The following TNPO1 variants were observed in gnomAD, a reference collection of about 807,000 sequenced individuals.
TNPO1 encodes the protein transportin-1.
TNPO1 carries 8 observed loss-of-function variants against 119.5 expected under a neutral mutation model. The ratio of observed to expected loss-of-function variants is 0.07; its 90% CI spans 0.04 to 0.12. The LOEUF (loss-of-function observed/expected upper bound fraction) is 0.12. TNPO1 is among the 10% of genes least tolerant of loss of function. The probability of loss-of-function intolerance (pLI) is 1.00; values close to 1 mark genes in which losing one functional copy is unlikely to be tolerated. For synonymous variants in TNPO1, 362 were observed against 363.0 expected, an observed-to-expected ratio of 1.00 and a Z score of 0.03; for missense variants, 576 against 1,089.8, an observed-to-expected ratio of 0.53 and a Z score of 6.64.
rs1366730988 is a variant in TNPO1 at position 72,858,654 on chromosome 5, G to A, written c.355+2731G>A. 2.6e-5 allele frequency among the ~76,000 whole-genome samples: 4 copies of A among 152,110 alleles called. No individual in the cohort carries two copies. The South Asian group carries it at 8.3e-4, about 31-fold the overall frequency. ...AGATCGAAACCATCCTGGCTAACAT[G>A]GTGAAACCCCGTCTCTACTAAAAAT... is the stretch of plus-strand genomic sequence containing the variant. On this transcript the variant is annotated intron_variant, in intron 4 of 24. Transcript: ENST00000337273.
Position 72,913,898 on chromosome 5 carries a change from GAA to G in TNPO1, c.*5226_*5227del, listed in dbSNP as rs1229672045. ...TACTTAATAGATTATCATCTTGTGAGAAGAGATGTTTAAACGTGGTAAATCAC... is the reference window on the plus strand; with the variant it reads ...TACTTAATAGATTATCATCTTGTGAGGAGATGTTTAAACGTGGTAAATCAC... On this transcript the variant is annotated 3_prime_UTR_variant, in exon 25 of 25. Transcript: ENST00000337273. The G allele has an allele frequency of 6.6e-6, 1 of 151,970 alleles. No individual in the cohort carries two copies. Among genetic ancestry groups the G allele is most frequent in the African/African-American group, 2.4e-5 (1 of 40,882 alleles). The allele number at this position is 151,970 out of a possible 1,614,324, so 9.4% of individuals were successfully genotyped here.
At chr5:72,869,935 T>C (rs1330334899) in intron 6 of TNPO1, among the ~76,000 whole-genome samples, 1 of 152,196 alleles carries the variant, frequency 6.6e-6, no homozygotes, top group Non-Finnish European at 1.5e-5. Context: ...CAGATATCCA[T>C]AGCATTCCAA....
intron 1 of TNPO1, among the ~76,000 whole-genome samples, chr5:72,834,689 GGTTAATTTATTATTGAA>G (rs1342650530): frequency 1.2e-4 from 18 of 152,108 alleles, no homozygotes; most frequent in Admixed American, 6.6e-5. Context: ...TAACAGCTGA[GGTTAATTTATTATTGAA>G]GAAAGAAATT....
intron 6 of TNPO1, among the ~76,000 whole-genome samples, chr5:72,868,868 C>T (rs1157217340): frequency 6.6e-6 from 1 of 151,852 alleles, no homozygotes; most frequent in Non-Finnish European, 1.5e-5. Context: ...ATTAGCTGGA[C>T]GTGGTGGCGG....
At chr5:72,907,023 A>G (rs1750219923) in intron 24 of TNPO1, among the ~76,000 whole-genome samples, 1 of 152,176 alleles carries the variant, frequency 6.6e-6, no homozygotes, top group African/African-American at 2.4e-5. Context: ...ACTCCAAGCT[A>G]AAATTTAAAT....
In TNPO1 at chr5:72,882,516, A is replaced by T. The variant is rs1748318233; in HGVS notation, c.970A>T (p.Ile324Phe). The change falls in exon 10 of 25, where the codon ATC (isoleucine) becomes TTC (phenylalanine). Residue 324 changes from isoleucine to phenylalanine, a missense_variant. Transcript: ENST00000337273. ...CATGAAGTACTCAGACATAGATATT[A>T]TCCTACTTAAGGTAAGGAAGCTTTT... ...NGMKYSDIDI[I>F]LLKGDVEEDE... is the part of the protein sequence containing the mutation. 8.7e-6 allele frequency: 14 copies of T among 1,609,534 alleles called. No homozygotes were observed. Among genetic ancestry groups the T allele is most frequent in the Non-Finnish European group, 1.2e-5 (14 of 1,177,722 alleles).
chr5:72,820,509 C>G lies in TNPO1; in HGVS notation c.15+3757C>G, dbSNP rs115059418. On this transcript the variant is annotated intron_variant, in intron 1 of 24. Transcript: ENST00000337273. ...ACATCATTTGTAGGCATTTAACATACATTGTCACTTTCATGTACATTTTTC... is the reference window on the plus strand; with the variant it reads ...ACATCATTTGTAGGCATTTAACATAGATTGTCACTTTCATGTACATTTTTC... Among the ~76,000 whole-genome samples, 760 of 152,280 alleles carry G rather than the reference C, an allele frequency of 5.0e-3. 5 individuals are homozygous for G. The highest frequency in any genetic ancestry group is 0.024 in the Middle Eastern group (7 of 294).
chr5:72,880,867 G>T (rs1748193119), intron 9 of TNPO1, among the ~76,000 whole-genome samples: 1 of 151,194 alleles, frequency 6.6e-6, no homozygotes, highest in Admixed American at 6.6e-5. Flanking sequence ...GGGGCTTCAG[G>T]AGAAATCTTC....
chr5:72,900,874 A>G, intron 21 of TNPO1, 100 bp from the exon 22 acceptor site: 1 of 652,450 alleles, frequency 1.5e-6, no homozygotes, highest in Non-Finnish European at 2.4e-6. Flanking sequence ...TATAATCATT[A>G]TCTATACTGT....
intron 7 of TNPO1, among the ~76,000 whole-genome samples, chr5:72,874,176 T>G (rs1327098865): frequency 6.6e-6 from 1 of 152,178 alleles, no homozygotes; most frequent in Admixed American, 6.5e-5. Context: ...CCTACAGGAT[T>G]TAGCCAATTC....
intron 1 of TNPO1, among the ~76,000 whole-genome samples, chr5:72,843,365 G>A (rs780371167): frequency 5.3e-5 from 8 of 152,088 alleles, no homozygotes; most frequent in African/African-American, 1.9e-4. Flanking sequence ...AGGCTGAGGC[G>A]GGCAGATCAC....
intron 7 of TNPO1, among the ~76,000 whole-genome samples, chr5:72,875,024 TATTA>T (rs1413051601): frequency 6.6e-6 from 1 of 152,236 alleles, no homozygotes; most frequent in Non-Finnish European, 1.5e-5. Flanking sequence ...ACTTAACTTC[TATTA>T]ATTTATTTCC....
chr5:72,857,439 A>T (rs1244108777), intron 4 of TNPO1, among the ~76,000 whole-genome samples: 2 of 152,184 alleles, frequency 1.3e-5, no homozygotes, highest in African/African-American at 4.8e-5. Context: ...GCCATCATTG[A>T]CACTGATTTT....
chr5:72,842,619 C>G (rs1198096495), intron 1 of TNPO1, among the ~76,000 whole-genome samples: 2 of 152,180 alleles, frequency 1.3e-5, no homozygotes, highest in African/African-American at 4.8e-5. Flanking sequence ...ACTGGAATTC[C>G]ATTTTATATG....
At chr5:72,891,928 C>A in intron 15 of TNPO1, 32 bp downstream of exon 15, 1 of 1,534,478 alleles carries the variant, frequency 6.5e-7, no homozygotes, top group Non-Finnish European at 8.9e-7. Context: ...TAATCTGTTG[C>A]CAAGAACACA....
At chr5:72,878,913 G>C (rs1748024874) in intron 9 of TNPO1, 3 of 511,464 alleles carry the variant, frequency 5.9e-6, no homozygotes, top group Non-Finnish European at 1.2e-5. Flanking sequence ...TGTGTCCAAT[G>C]GTCTCAGCAG....
intron 11 of TNPO1, among the ~76,000 whole-genome samples, chr5:72,886,527 C>G (rs959564704): frequency 6.6e-6 from 1 of 152,100 alleles, no homozygotes; most frequent in African/African-American, 2.4e-5. Context: ...TCTAGTATGA[C>G]AGTTATGTAC....
At chr5:72,892,251 AT>A (rs1749117849) in intron 15 of TNPO1, among the ~76,000 whole-genome samples, 1 of 152,030 alleles carries the variant, frequency 6.6e-6, no homozygotes, top group Non-Finnish European at 1.5e-5. Flanking sequence ...TTATTTTCAA[AT>A]TTGAAAATGT....
At chr5:72,848,779 G>A (rs949645061) in intron 2 of TNPO1, among the ~76,000 whole-genome samples, 1 of 148,120 alleles carries the variant, frequency 6.8e-6, no homozygotes, top group African/African-American at 2.4e-5. Flanking sequence ...CCCGGCCGCC[G>A]CCCGGGATCG....
Sources: gnomAD v4.1 joint callset for allele counts (sites outside exome capture counted in the v4.1 genomes callset) on GRCh38, gnomAD v4.1.1 for gene constraint, MANE v1.5 for transcripts, NCBI Gene and HGNC (gene_info 2026-07-23, HGNC 2026-07-21) for gene names.